The following TENM4 variants were observed in gnomAD, a reference collection of about 807,000 sequenced individuals.
The protein encoded by TENM4 is teneurin transmembrane protein 4, also known as teneurin-4.
A neutral mutation model predicts 243.3 loss-of-function variants in TENM4; 82 were observed. That is an observed-to-expected ratio of 0.34 (90% CI 0.28 to 0.40). The LOEUF is 0.40. Ranked by LOEUF, TENM4 falls within the 10% of genes least tolerant of loss-of-function variation. The pLI is 1.00. For missense variants in TENM4, 3,138 were observed against 3,673.3 expected (o/e 0.85, Z 3.77); for synonymous variants, 1,412 against 1,456.3 (o/e 0.97, Z 0.69).
chr11:79,139,024 ATATAT>A lies in TENM4; in HGVS notation c.-66+9681_-66+9685del, dbSNP rs1245057352. Reference sequence around the variant, plus strand: ...AAATATATATTATATTTCTATAAATATATATTATATTTCTATAAATATATAAAATA... The same window carrying A: ...AAATATATATTATATTTCTATAAATATATATTTCTATAAATATATAAAATA... On this transcript the variant is annotated intron_variant, in intron 4 of 33. Transcript: ENST00000278550. Among the ~76,000 whole-genome samples the A allele has an allele frequency of 2.5e-3, 109 of 42,970 alleles. 8 individuals are homozygous for A. The highest frequency in any genetic ancestry group is 7.5e-3 in the African/African-American group (103 of 13,820). 28.2% of individuals were successfully genotyped at this position (42,970 alleles called of 152,430 possible).
At chr11:79,314,245 A>G (rs1032783160) in intron 1 of TENM4, among the ~76,000 whole-genome samples, 1 of 152,248 alleles carries the variant, frequency 6.6e-6, no homozygotes. Flanking sequence ...CAAGTGAATT[A>G]TAAAGGCAAT....
intron 1 of TENM4, among the ~76,000 whole-genome samples, chr11:79,417,979 G>C (rs1220275438): frequency 6.6e-6 from 1 of 152,112 alleles, no homozygotes; most frequent in Non-Finnish European, 1.5e-5. Context: ...TCCTGGCTGG[G>C]GTGCAGGCTT....
At chr11:79,014,576 C>T (rs142303148) in intron 6 of TENM4, 1 of 152,326 alleles carries the variant, frequency 6.6e-6, no homozygotes, top group African/African-American at 2.4e-5. Flanking sequence ...AATACCTTTG[C>T]ACTTCATTAG....
chr11:79,233,558 G>A (rs527508733), intron 2 of TENM4, among the ~76,000 whole-genome samples: 49 of 152,264 alleles, frequency 3.2e-4, no homozygotes, highest in African/African-American at 1.2e-3. Flanking sequence ...GCTGACCCCT[G>A]GTTTCCAGAT....
intron 6 of TENM4, among the ~76,000 whole-genome samples, chr11:78,958,795 G>A (rs1181977534): frequency 4.6e-5 from 7 of 152,202 alleles, no homozygotes; most frequent in African/African-American, 1.7e-4. Context: ...GAGCCAAAGA[G>A]GCATTCTTTG....
chr11:79,040,488 G>C (rs531060639), intron 6 of TENM4, among the ~76,000 whole-genome samples: 1 of 152,292 alleles, frequency 6.6e-6, no homozygotes, highest in South Asian at 2.1e-4. Flanking sequence ...CAGTCTGCTT[G>C]GCTGAAGTCT....
intron 5 of TENM4, among the ~76,000 whole-genome samples, chr11:79,066,610 ACACACACGTGCG>A (rs1204729212): frequency 7.9e-5 from 12 of 151,922 alleles, no homozygotes; most frequent in African/African-American, 2.7e-4. Context: ...ACGCGCGTGC[ACACACACGTGCG>A]CACACACATG....
chr11:78,912,998 A>G (rs1176753825), intron 6 of TENM4, among the ~76,000 whole-genome samples: 1 of 152,210 alleles, frequency 6.6e-6, no homozygotes, highest in Non-Finnish European at 1.5e-5. Context: ...CGTTTCCCCA[A>G]TTGACAAACA....
chr11:79,229,742 A>T (rs1864339836), intron 2 of TENM4, among the ~76,000 whole-genome samples: 1 of 152,224 alleles, frequency 6.6e-6, no homozygotes, highest in Admixed American at 6.5e-5. Context: ...TTATTGCTAC[A>T]TTGAAAGGAC....
intron 19 of TENM4, among the ~76,000 whole-genome samples, chr11:78,746,940 A>T (rs985673630): frequency 6.6e-6 from 1 of 152,218 alleles, no homozygotes; most frequent in African/African-American, 2.4e-5. Context: ...GCCTTCTGTC[A>T]GGGACAGGGC....
chr11:79,018,045 T>G (rs557218091), intron 6 of TENM4, among the ~76,000 whole-genome samples: 2 of 152,206 alleles, frequency 1.3e-5, no homozygotes, highest in African/African-American at 2.4e-5. Context: ...TGGGATAGTC[T>G]CAAGCTGGGG....
intron 4 of TENM4, among the ~76,000 whole-genome samples, chr11:79,092,641 CA>C (rs1426749902): frequency 3.3e-5 from 5 of 152,230 alleles, no homozygotes; most frequent in African/African-American, 7.2e-5. Context: ...CAGTTCTCTT[CA>C]TTCTTATCCC....
chr11:78,911,882 C>T (rs193154895), intron 6 of TENM4, among the ~76,000 whole-genome samples: 1 of 152,154 alleles, frequency 6.6e-6, no homozygotes, highest in African/African-American at 2.4e-5. Flanking sequence ...ACTTCTTTTC[C>T]CCCAGCCCGT....
At chr11:79,164,424 A>G (rs1319139740) in intron 3 of TENM4, among the ~76,000 whole-genome samples, 2 of 133,962 alleles carry the variant, frequency 1.5e-5, no homozygotes, top group Non-Finnish European at 3.1e-5. Flanking sequence ...AGTATGTAGT[A>G]TATAGATATA....
At chr11:79,408,213 G>A (rs537452033) in intron 1 of TENM4, among the ~76,000 whole-genome samples, 1 of 152,122 alleles carries the variant, frequency 6.6e-6, no homozygotes, top group Non-Finnish European at 1.5e-5. Context: ...CAACCACTGC[G>A]CCCAGCCATC....
At chr11:79,392,212 C>A (rs1400575842) in intron 1 of TENM4, among the ~76,000 whole-genome samples, 5 of 152,198 alleles carry the variant, frequency 3.3e-5, no homozygotes, top group Non-Finnish European at 5.9e-5. Context: ...TGTCTTACAT[C>A]CCAAGATAAC....
chr11:79,148,508 CAT>C (rs1862434994), intron 4 of TENM4, among the ~76,000 whole-genome samples, 200 bp downstream of exon 4: 1 of 151,912 alleles, frequency 6.6e-6, no homozygotes, highest in Non-Finnish European at 1.5e-5. Flanking sequence ...GCCTTTGAAA[CAT>C]ATAAAAATCT....
At chr11:78,723,696 T>G (rs994705791) in intron 23 of TENM4, among the ~76,000 whole-genome samples, 1 of 152,254 alleles carries the variant, frequency 6.6e-6, no homozygotes, top group African/African-American at 2.4e-5. Context: ...TTTTTCCTCA[T>G]GCACACTTCA....
chr11:78,653,822 C>T lies in TENM4; in HGVS notation c.*4236G>A, dbSNP rs112241903. ...GGGTAAGAAACACAACATTGGCCCT[C>T]GCCTGGGCCTTCCCACACTCTGATA... On this transcript the variant is annotated 3_prime_UTR_variant, in exon 34 of 34. Coordinates refer to ENST00000278550, the MANE Select transcript of TENM4 (RefSeq NM_001098816.3). The T allele has an allele frequency of 7.0e-3, 1,073 of 152,384 alleles. 3 individuals are homozygous for T. The highest frequency in any genetic ancestry group is 0.02 in the Middle Eastern group (6 of 294). The allele number at this position is 152,384 out of a possible 1,614,324, so 9.4% of individuals were successfully genotyped here.
Sources: gnomAD v4.1 joint callset for allele counts (sites outside exome capture counted in the v4.1 genomes callset) on GRCh38, gnomAD v4.1.1 for gene constraint, MANE v1.5 for transcripts, NCBI Gene and HGNC (gene_info 2026-07-23, HGNC 2026-07-21) for gene names.